Variants in PGRMC2 observed in about 807,000 individuals in gnomAD.
PGRMC2 encodes the protein progesterone receptor membrane component 2, also known as membrane-associated progesterone receptor component 2.
PGRMC2 carries 9 observed loss-of-function variants against 19.3 expected under a neutral mutation model. The ratio of observed to expected loss-of-function variants is 0.47; its 90% CI spans 0.28 to 0.81. PGRMC2 has a LOEUF of 0.81. Among genes scored for constraint, PGRMC2 ranks in the 40% least tolerant of loss-of-function variants. The pLI, the probability that PGRMC2 is intolerant of heterozygous loss-of-function variation, is 0.11. For synonymous variants in PGRMC2, 157 were observed against 124.6 expected, an observed-to-expected ratio of 1.26 and a Z score of -1.73; for missense variants, 289 against 297.3, an observed-to-expected ratio of 0.97 and a Z score of 0.21.
At position 128,287,807 on chromosome 4, in the gene PGRMC2, C is replaced by CA; in HGVS notation, c.-18_-17insT. The CA allele has an allele frequency of 6.6e-7, 1 of 1,517,216 alleles. No homozygotes were observed. Among genetic ancestry groups the CA allele is most frequent in the Non-Finnish European group, 8.9e-7 (1 of 1,118,440 alleles). The allele number at this position is 1,517,216 out of a possible 1,614,324, so 94.0% of individuals were successfully genotyped here. A position where few individuals can be genotyped will look rare whatever the true frequency, so the allele number is the denominator to read the frequency against. The stretch of plus-strand genomic sequence containing the variant: ...AGCCGCCATCACTGCCCGCCAGCGC[C>CA]TTCCTCCTCCTCCCCGCCCCCTGCC... On this transcript the variant is annotated 5_prime_UTR_variant, in exon 1 of 3. In the 5' UTR this introduces an upstream ATG that the reference lacks. Coordinates refer to ENST00000296425, the MANE Select transcript of PGRMC2 (RefSeq NM_006320.6).
intron 1 of PGRMC2, among the ~76,000 whole-genome samples, chr4:128,281,230 CAT>C (rs1485243322): frequency 6.6e-6 from 1 of 152,186 alleles, no homozygotes; most frequent in Non-Finnish European, 1.5e-5. Flanking sequence ...AGGGCCTCAA[CAT>C]ATGACTATGT....
In PGRMC2 at chr4:128,287,751, C is replaced by T. The variant is rs1486691497; in HGVS notation, c.40G>A (p.Gly14Arg). Reference protein sequence around the residue: ...GDGDVKLGTLGSGSESSNDGG... With the variant: ...GDGDVKLGTLRSGSESSNDGG... ...TCGTTGCTGCTCTCGCTGCCACTCC[C>T]CAGGGTGCCTAGCTTCACGTCCCCA... The change falls in exon 1 of 3, where the codon GGG becomes AGG. Residue 14 changes from glycine to arginine, a missense_variant. Transcript: ENST00000296425. 2 of 1,479,982 alleles carry T rather than the reference C, an allele frequency of 1.4e-6. No homozygotes were observed. The highest frequency in any genetic ancestry group is 1.4e-5 in the African/African-American group (1 of 72,860). 91.7% of individuals were successfully genotyped at this position (1,479,982 alleles called of 1,614,324 possible).
At chr4:128,281,595 T>C (rs578138473) in intron 1 of PGRMC2, among the ~76,000 whole-genome samples, 10 of 152,216 alleles carry the variant, frequency 6.6e-5, no homozygotes, top group African/African-American at 2.4e-4. Flanking sequence ...TAAACCTAAA[T>C]ATACCCGTAA....
chr4:128,284,501 T>A (rs1428565971), intron 1 of PGRMC2, among the ~76,000 whole-genome samples: 1 of 152,248 alleles, frequency 6.6e-6, no homozygotes, highest in Non-Finnish European at 1.5e-5. Flanking sequence ...GATCTGTTAC[T>A]AAATTTAATA....
Position 128,270,284 on chromosome 4 carries a change from T to C in PGRMC2, c.*1032A>G, listed in dbSNP as rs572662137. On this transcript the variant is annotated 3_prime_UTR_variant, in exon 3 of 3. Coordinates refer to ENST00000296425, the MANE Select transcript of PGRMC2 (RefSeq NM_006320.6). Reference sequence around the variant, plus strand: ...CCCATGCACCCACACCAGTGAGATGTGGAGGGTCAGACTCCTAAAATTAGG... The same window carrying C: ...CCCATGCACCCACACCAGTGAGATGCGGAGGGTCAGACTCCTAAAATTAGG... 4.6e-5 allele frequency: 7 copies of C among 152,772 alleles called. No homozygotes were observed. Among genetic ancestry groups the C allele is most frequent in the Non-Finnish European group, 8.8e-5 (6 of 68,012 alleles). 9.5% of individuals were successfully genotyped at this position (152,772 alleles called of 1,614,324 possible). A position where few individuals can be genotyped will look rare whatever the true frequency, so the allele number is the denominator to read the frequency against.
intron 2 of PGRMC2, 138 bp from the exon 3 acceptor site, chr4:128,271,551 C>T: frequency 1.9e-6 from 1 of 535,906 alleles, no homozygotes; most frequent in Non-Finnish European, 3.3e-6. Flanking sequence ...TCTAAAATTG[C>T]TTCACCATGG....
intron 1 of PGRMC2, among the ~76,000 whole-genome samples, chr4:128,284,400 T>C (rs1262652537): frequency 6.6e-6 from 1 of 152,206 alleles, no homozygotes; most frequent in East Asian, 1.9e-4. Context: ...GGATCTGATA[T>C]TGTGGGTGCT....
chr4:128,280,352 G>GAAAAAAAAAAAAA lies in PGRMC2; in HGVS notation c.418+7020_418+7021insTTTTTTTTTTTTT, dbSNP rs747302016. ...GCAATAAGTAACAGCAAATTTTCTGGGAAAAAAAAAAAAAAAAAAAAAAGG... is the reference window on the plus strand; with the variant it reads ...GCAATAAGTAACAGCAAATTTTCTGGAAAAAAAAAAAAAGAAAAAAAAAAAAAAAAAAAAAAGG... On this transcript the variant is annotated intron_variant, in intron 1 of 2. Coordinates refer to ENST00000296425, the MANE Select transcript of PGRMC2 (RefSeq NM_006320.6). Among the ~76,000 whole-genome samples, 3 of 60,538 alleles carry GAAAAAAAAAAAAA rather than the reference G, an allele frequency of 5.0e-5. 1 individual carries two copies. The highest frequency in any genetic ancestry group is 3.0e-5 in the Non-Finnish European group (1 of 33,680). 39.7% of individuals were successfully genotyped at this position (60,538 alleles called of 152,430 possible). A position where few individuals can be genotyped will look rare whatever the true frequency, so the allele number is the denominator to read the frequency against.
At chr4:128,280,709 T>C (rs919745292) in intron 1 of PGRMC2, among the ~76,000 whole-genome samples, 14 of 152,096 alleles carry the variant, frequency 9.2e-5, no homozygotes, top group Non-Finnish European at 1.9e-4. Flanking sequence ...GCGATCTTAA[T>C]ACCTCAGACT....
intron 1 of PGRMC2, among the ~76,000 whole-genome samples, chr4:128,275,295 G>A (rs982771419): frequency 6.6e-6 from 1 of 151,984 alleles, no homozygotes; most frequent in African/African-American, 2.4e-5. Flanking sequence ...AAGGAGAGAA[G>A]ATAAAATCAT....
intron 1 of PGRMC2, among the ~76,000 whole-genome samples, chr4:128,274,476 A>T (rs1325202158): frequency 6.7e-6 from 1 of 149,058 alleles, no homozygotes; most frequent in Admixed American, 6.9e-5. Context: ...ATGCCACTGC[A>T]CTACGGCCTG....
chr4:128,282,929 G>A (rs369469626), intron 1 of PGRMC2, among the ~76,000 whole-genome samples: 1 of 152,232 alleles, frequency 6.6e-6, no homozygotes, highest in South Asian at 2.1e-4. Context: ...TTCTTCTTAC[G>A]TGACTTTTTT....
At chr4:128,283,220 C>A (rs1303332205) in intron 1 of PGRMC2, among the ~76,000 whole-genome samples, 1 of 152,162 alleles carries the variant, frequency 6.6e-6, no homozygotes, top group Non-Finnish European at 1.5e-5. Context: ...ACTGAATAGA[C>A]TATGTTGTAA....
At chr4:128,275,074 G>A (rs998454265) in intron 1 of PGRMC2, among the ~76,000 whole-genome samples, 72 of 152,148 alleles carry the variant, frequency 4.7e-4, no homozygotes, top group African/African-American at 1.7e-3. Context: ...TAACGACCAT[G>A]AAAACTGGAG....
Position 128,271,507 on chromosome 4 carries a change from A to G in PGRMC2, c.575-94T>C, listed in dbSNP as rs568305103. Reference sequence around the variant, plus strand: ...AGGCATTTGTCTGTTTTAGAATCATATAAAATATGATTATTAGAATATTAT... The same window carrying G: ...AGGCATTTGTCTGTTTTAGAATCATGTAAAATATGATTATTAGAATATTAT... On this transcript the variant is annotated intron_variant, in intron 2 of 2. Coordinates refer to ENST00000296425, the MANE Select transcript of PGRMC2 (RefSeq NM_006320.6). The G allele has an allele frequency of 1.2e-4, 71 of 602,724 alleles. 1 individual carries two copies. The highest frequency in any genetic ancestry group is 1.7e-4 in the Non-Finnish European group (58 of 343,980). The allele number at this position is 602,724 out of a possible 1,614,324, so 37.3% of individuals were successfully genotyped here. A position where few individuals can be genotyped will look rare whatever the true frequency, so the allele number is the denominator to read the frequency against.
At chr4:128,279,407 T>C (rs1760870205) in intron 1 of PGRMC2, among the ~76,000 whole-genome samples, 1 of 152,202 alleles carries the variant, frequency 6.6e-6, no homozygotes, top group Admixed American at 6.5e-5. Context: ...TACCACGTTT[T>C]TGGCAAGAAG....
chr4:128,271,254 G>A lies in PGRMC2; in HGVS notation c.*62C>T. ...GAATCAAACCCAAAGACTCCGGACAGTCTGTGAAAGGGAGTAAGAATTGCA... is the reference window on the plus strand; with the variant it reads ...GAATCAAACCCAAAGACTCCGGACAATCTGTGAAAGGGAGTAAGAATTGCA... On this transcript the variant is annotated 3_prime_UTR_variant, in exon 3 of 3. Coordinates refer to ENST00000296425, the MANE Select transcript of PGRMC2 (RefSeq NM_006320.6). The A allele has an allele frequency of 1.2e-6, 1 of 821,988 alleles. No homozygotes were observed. The highest frequency in any genetic ancestry group is 2.1e-6 in the Non-Finnish European group (1 of 486,864). 50.9% of individuals were successfully genotyped at this position (821,988 alleles called of 1,614,324 possible). A position where few individuals can be genotyped will look rare whatever the true frequency, so the allele number is the denominator to read the frequency against.
At chr4:128,277,366 C>G (rs1195482481) in intron 1 of PGRMC2, among the ~76,000 whole-genome samples, 4 of 152,152 alleles carry the variant, frequency 2.6e-5, no homozygotes, top group Non-Finnish European at 4.4e-5. Context: ...ATTCTTGAAA[C>G]AGCAACAACA....
At chr4:128,281,027 T>C (rs963788246) in intron 1 of PGRMC2, among the ~76,000 whole-genome samples, 1 of 151,940 alleles carries the variant, frequency 6.6e-6, no homozygotes, top group African/African-American at 2.4e-5. Context: ...CCCAAAGAAA[T>C]GAGATGCAAG....
Sources: allele counts gnomAD v4.1 joint callset (sites outside exome capture counted in the v4.1 genomes callset), GRCh38; gene constraint gnomAD v4.1.1; transcripts MANE v1.5; gene names NCBI Gene and HGNC (gene_info 2026-07-23, HGNC 2026-07-21).